Variants in DPF3 observed in about 807,000 individuals in gnomAD.
DPF3 encodes the protein zinc finger protein DPF3.
Under a neutral mutation model 56.8 loss-of-function variants are expected in DPF3, and 18 were observed. The ratio of observed to expected loss-of-function variants is 0.32; its 90% CI spans 0.22 to 0.47. DPF3 has a LOEUF of 0.47. Among genes scored for constraint, DPF3 ranks in the 20% least tolerant of loss-of-function variants. DPF3 has a pLI of 1.00. For missense variants in DPF3, 403 were observed against 488.8 expected, an observed-to-expected ratio of 0.82 and a Z score of 1.65; for synonymous variants, 188 against 180.2, an observed-to-expected ratio of 1.04 and a Z score of -0.35.
At chr14:72,885,455 G>A (rs994122943) in intron 1 of DPF3, among the ~76,000 whole-genome samples, 1 of 152,000 alleles carries the variant, frequency 6.6e-6, no homozygotes, top group Non-Finnish European at 1.5e-5. Context: ...AGTACATGGA[G>A]TACAGTAGCG....
intron 9 of DPF3, among the ~76,000 whole-genome samples, chr14:72,622,113 A>G (rs1346712844): frequency 3.9e-5 from 6 of 152,122 alleles, no homozygotes; most frequent in Admixed American, 3.3e-4. Context: ...GTGTCCATGA[A>G]CCCCTTGAAA....
intron 2 of DPF3, among the ~76,000 whole-genome samples, chr14:72,756,162 C>T (rs1481372367): frequency 1.3e-5 from 2 of 152,142 alleles, no homozygotes; most frequent in African/African-American, 4.8e-5. Context: ...CCAGTCCTCC[C>T]TGGTAACCAA....
intron 7 of DPF3, among the ~76,000 whole-genome samples, chr14:72,689,099 T>TGGGCGG (rs1887559806): frequency 1.4e-5 from 2 of 142,628 alleles, no homozygotes; most frequent in Admixed American, 1.4e-4. Context: ...CAGGGCAGCA[T>TGGGCGG]GGGCGGGGGC....
intron 5 of DPF3, 31 bp from the exon 6 acceptor site, chr14:72,714,532 T>A: frequency 3.1e-6 from 5 of 1,612,240 alleles, no homozygotes; most frequent in Non-Finnish European, 4.2e-6. Context: ...AGGATGCTTG[T>A]TACCATGGTC....
chr14:72,777,713 A>C (rs1891800854), intron 1 of DPF3, among the ~76,000 whole-genome samples: 1 of 152,052 alleles, frequency 6.6e-6, no homozygotes, highest in African/African-American at 2.4e-5. Context: ...GTCATTTAAA[A>C]GTGTATGGTG....
At chr14:72,729,929 G>A (rs931390115) in intron 4 of DPF3, among the ~76,000 whole-genome samples, 1 of 152,202 alleles carries the variant, frequency 6.6e-6, no homozygotes, top group Non-Finnish European at 1.5e-5. Context: ...AACATTGGGT[G>A]ATAATGATGA....
chr14:72,765,756 G>C (rs1599422141), intron 2 of DPF3, among the ~76,000 whole-genome samples: 1 of 152,280 alleles, frequency 6.6e-6, no homozygotes, highest in African/African-American at 2.4e-5. Context: ...GACCATCCTG[G>C]CTAACACGGT....
At chr14:72,698,461 T>C (rs954667687) in intron 6 of DPF3, among the ~76,000 whole-genome samples, 1 of 152,236 alleles carries the variant, frequency 6.6e-6, no homozygotes, top group Non-Finnish European at 1.5e-5. Context: ...GGAGGATCCC[T>C]TGTGCCCAGG....
chr14:72,753,326 C>T lies in DPF3; in HGVS notation c.239G>A (p.Arg80His), dbSNP rs530932479. ...QLYTYPARCW[R>H]KKRRLHPPED... ...AGGTGGGTGCAATCGTCTCTTCTTG[C>T]GCCAGCAGCGGGCAGGGTATGTATA... The change falls in exon 3 of 11, where the codon CGC becomes CAC. Residue 80 changes from arginine to histidine, a missense_variant. By Grantham distance (29) the Arg-to-His change is conservative. Transcript: ENST00000556509. 1.9e-5 allele frequency: 31 copies of T among 1,613,412 alleles called. No individual in the cohort carries two copies. In the East Asian group the frequency reaches 3.6e-4, roughly 19 times the overall value.
intron 3 of DPF3, among the ~76,000 whole-genome samples, chr14:72,743,302 C>T (rs1404959548): frequency 6.6e-6 from 1 of 151,992 alleles, no homozygotes; most frequent in African/African-American, 2.4e-5. Flanking sequence ...TTTTCATCTG[C>T]GGGTCCAGGA....
chr14:72,818,774 G>A (rs1883402551), intron 1 of DPF3, among the ~76,000 whole-genome samples: 1 of 152,206 alleles, frequency 6.6e-6, no homozygotes, highest in African/African-American at 2.4e-5. Flanking sequence ...TACTCAACAT[G>A]ATTCCAATGG....
At chr14:72,629,981 A>G (rs1001140355) in intron 8 of DPF3, among the ~76,000 whole-genome samples, 1 of 152,178 alleles carries the variant, frequency 6.6e-6, no homozygotes, top group African/African-American at 2.4e-5. Context: ...ATTCCCCAGC[A>G]GGTGTAACCA....
chr14:72,751,209 T>C (rs1890559482), intron 3 of DPF3, among the ~76,000 whole-genome samples: 1 of 152,096 alleles, frequency 6.6e-6, no homozygotes, highest in African/African-American at 2.4e-5. Context: ...AATTAAAAAA[T>C]AAAATTAAAA....
chr14:72,753,377 G>C lies in DPF3; in HGVS notation c.194-6C>G. The stretch of plus-strand genomic sequence containing the variant: ...CAGCTGGCCCGGGGCAAGGCCTGTG[G>C]ACAGAGACAATATAAAGATTAAAGG... On this transcript the variant is annotated splice_polypyrimidine_tract_variant and splice_region_variant and intron_variant, in intron 2 of 10. Transcript: ENST00000556509. 1.2e-6 allele frequency: 2 copies of C among 1,605,794 alleles called. No individual in the cohort carries two copies. The highest frequency in any genetic ancestry group is 1.3e-5 in the African/African-American group (1 of 74,842).
intron 2 of DPF3, among the ~76,000 whole-genome samples, chr14:72,759,906 T>G (rs1291540246): frequency 6.6e-6 from 1 of 152,134 alleles, no homozygotes; most frequent in African/African-American, 2.4e-5. Flanking sequence ...AAACTAGAAT[T>G]CTATACCCAG....
intron 4 of DPF3, among the ~76,000 whole-genome samples, chr14:72,729,877 T>A (rs1479653303): frequency 6.6e-6 from 1 of 152,048 alleles, no homozygotes; most frequent in Admixed American, 6.5e-5. Flanking sequence ...TTCAAACCCA[T>A]TGAATGCACA....
At chr14:72,802,053 T>C (rs1316215318) in intron 1 of DPF3, among the ~76,000 whole-genome samples, 1 of 152,124 alleles carries the variant, frequency 6.6e-6, no homozygotes, top group Non-Finnish European at 1.5e-5. Context: ...AAATTCCTGC[T>C]GAGTAGCAAA....
At chr14:72,856,743 A>G (rs929150361) in intron 1 of DPF3, among the ~76,000 whole-genome samples, 1 of 152,206 alleles carries the variant, frequency 6.6e-6, no homozygotes, top group African/African-American at 2.4e-5. Flanking sequence ...AGAAGTATGA[A>G]TAATGCGTGA....
chr14:72,718,755 G>T (rs923516018), intron 5 of DPF3, among the ~76,000 whole-genome samples: 2 of 125,378 alleles, frequency 1.6e-5, no homozygotes, highest in Non-Finnish European at 3.3e-5. Context: ...GAGAACCACT[G>T]CTCTACACCC....
Sources: gnomAD v4.1 joint callset for allele counts (sites outside exome capture counted in the v4.1 genomes callset) on GRCh38, gnomAD v4.1.1 for gene constraint, MANE v1.5 for transcripts, NCBI Gene and HGNC (gene_info 2026-07-23, HGNC 2026-07-21) for gene names.